BBS9: variants seen among roughly 807,000 people sequenced by gnomAD.
BBS9 encodes protein PTHB1.
BBS9 carries 89 observed loss-of-function variants against 117.7 expected under a neutral mutation model. The observed-to-expected ratio is 0.76, with a 90% CI of 0.64 to 0.90. The LOEUF is 0.90. Among genes scored for constraint, BBS9 ranks in the 40% least tolerant of loss-of-function variants. The pLI is 0.00. For missense variants in BBS9, 982 were observed against 1,042.2 expected, an observed-to-expected ratio of 0.94 and a Z score of 0.80; for synonymous variants, 379 against 370.9, an observed-to-expected ratio of 1.02 and a Z score of -0.25.
chr7:33,578,583 GA>G (rs1208376432), intron 21 of BBS9, among the ~76,000 whole-genome samples: 1 of 152,160 alleles, frequency 6.6e-6, no homozygotes, highest in African/African-American at 2.4e-5. Flanking sequence ...GGCAAGTTCT[GA>G]AAGATAAACC....
chr7:33,551,719 C>T (rs1854448885), intron 21 of BBS9, among the ~76,000 whole-genome samples: 1 of 152,110 alleles, frequency 6.6e-6, no homozygotes, highest in African/African-American at 2.4e-5. Context: ...TACAGGGAAA[C>T]AAATTTCAGA....
At chr7:33,397,817 T>C (rs1368662190) in intron 19 of BBS9, among the ~76,000 whole-genome samples, 2 of 151,906 alleles carry the variant, frequency 1.3e-5, no homozygotes, top group African/African-American at 4.8e-5. Flanking sequence ...CTGGGGCCTG[T>C]GGGAGTGGGG....
intron 21 of BBS9, among the ~76,000 whole-genome samples, chr7:33,634,481 A>G (rs1866049071): frequency 6.6e-6 from 1 of 152,178 alleles, no homozygotes; most frequent in Non-Finnish European, 1.5e-5. Flanking sequence ...TGATAAGTGT[A>G]AAATACTTTG....
At chr7:33,165,018 G>T (rs1267560273) in intron 4 of BBS9, among the ~76,000 whole-genome samples, 4 of 152,108 alleles carry the variant, frequency 2.6e-5, no homozygotes, top group African/African-American at 9.7e-5. Flanking sequence ...TTGTAAGGCA[G>T]GTCTGGTGGT....
chr7:33,420,749 T>C (rs1244645429), intron 19 of BBS9, among the ~76,000 whole-genome samples: 2 of 152,136 alleles, frequency 1.3e-5, no homozygotes, highest in African/African-American at 4.8e-5. Context: ...AAGCGGTCAT[T>C]CCAGACTTTT....
intron 5 of BBS9, among the ~76,000 whole-genome samples, chr7:33,193,551 A>G (rs1554337231): frequency 6.6e-6 from 1 of 150,764 alleles, no homozygotes; most frequent in Non-Finnish European, 1.5e-5. Context: ...GTGCTGGTGA[A>G]TTTTTCTTGC....
At position 33,565,311 on chromosome 7, in the gene BBS9, G is replaced by C. The variant is rs80083076; in HGVS notation, c.2521+31135G>C. 2.0e-5 allele frequency among the ~76,000 whole-genome samples: 3 copies of C among 152,044 alleles called. No homozygotes were observed. In the East Asian group the frequency reaches 5.8e-4, roughly 29 times the overall value. On this transcript the variant is annotated intron_variant, in intron 21 of 22. Coordinates refer to ENST00000242067, the MANE Select transcript of BBS9 (RefSeq NM_198428.3). ...TCACTTCTGAGCCATTCCTATGTTT[G>C]CTTACTTGGTATGAGGAAGCCTGAT...
intron 4 of BBS9, among the ~76,000 whole-genome samples, chr7:33,175,312 A>AT (rs954193397): frequency 6.6e-6 from 1 of 151,736 alleles, no homozygotes; most frequent in Non-Finnish European, 1.5e-5. Flanking sequence ...AAAAATAAAA[A>AT]TAAAAAAAAA....
intron 21 of BBS9, among the ~76,000 whole-genome samples, chr7:33,591,940 T>G (rs1341595651): frequency 6.6e-6 from 1 of 152,050 alleles, no homozygotes; most frequent in Non-Finnish European, 1.5e-5. Flanking sequence ...GAGGAGTGGT[T>G]ATCTATGATA....
chr7:33,504,268 TGGC>T (rs1845843358), intron 19 of BBS9, among the ~76,000 whole-genome samples: 1 of 152,180 alleles, frequency 6.6e-6, no homozygotes, highest in Non-Finnish European at 1.5e-5. Context: ...CTCAGCGAAG[TGGC>T]AAAGAATCTT....
chr7:33,346,024 G>A (rs1817524512), intron 12 of BBS9, among the ~76,000 whole-genome samples: 1 of 152,074 alleles, frequency 6.6e-6, no homozygotes, highest in South Asian at 2.1e-4. Flanking sequence ...TCTGTTCGTG[G>A]AACTTACTAT....
chr7:33,487,609 T>C (rs1563244913), intron 19 of BBS9, among the ~76,000 whole-genome samples: 1 of 152,224 alleles, frequency 6.6e-6, no homozygotes, highest in African/African-American at 2.4e-5. Context: ...CTTTGCATGA[T>C]ATCAAGCAAG....
chr7:33,262,779 A>C (rs1353664441), intron 6 of BBS9, among the ~76,000 whole-genome samples: 1 of 152,142 alleles, frequency 6.6e-6, no homozygotes, highest in Non-Finnish European at 1.5e-5. Context: ...TTGATTTGCC[A>C]TAATGCCTTC....
intron 20 of BBS9, among the ~76,000 whole-genome samples, chr7:33,520,126 A>G (rs1848393865): frequency 6.6e-6 from 1 of 151,334 alleles, no homozygotes; most frequent in African/African-American, 2.4e-5. Context: ...CTCCTGCCTC[A>G]GCCTCTTGAG....
At chr7:33,262,668 A>T (rs923206605) in intron 6 of BBS9, among the ~76,000 whole-genome samples, 2 of 152,096 alleles carry the variant, frequency 1.3e-5, no homozygotes, top group African/African-American at 4.8e-5. Context: ...CTCTTACTTC[A>T]TGCGCCCCAT....
rs764861884 is a variant in BBS9 at position 33,303,524 on chromosome 7, C to CCCG, written c.1016+29570_1016+29571insGCC. The stretch of plus-strand genomic sequence containing the variant: ...TAGTATCAACTGAAATGATCCCCTC[C>CCCG]CCCCGCCCCTTCTTTCTTTGGTCTC... On this transcript the variant is annotated intron_variant, in intron 9 of 22. Coordinates refer to ENST00000242067, the MANE Select transcript of BBS9 (RefSeq NM_198428.3). Among the ~76,000 whole-genome samples the CCCG allele has an allele frequency of 7.1e-3, 684 of 96,608 alleles. 34 individuals carry two copies. The highest frequency in any genetic ancestry group is 0.027 in the African/African-American group (647 of 24,388). 63.4% of individuals were successfully genotyped at this position (96,608 alleles called of 152,430 possible).
chr7:33,591,672 T>G lies in BBS9; in HGVS notation c.2522-13193T>G, dbSNP rs537966204. On this transcript the variant is annotated intron_variant, in intron 21 of 22. Transcript: ENST00000242067. Reference sequence around the variant, plus strand: ...TTTAGTAACACTAGATCAGCAGACTTCCTCTTTCAAGGTTCAGCTGCTGGC... The same window carrying G: ...TTTAGTAACACTAGATCAGCAGACTGCCTCTTTCAAGGTTCAGCTGCTGGC... Among the ~76,000 whole-genome samples, 19 of 152,218 alleles carry G rather than the reference T, an allele frequency of 1.2e-4. No individual in the cohort carries two copies. In the South Asian group the frequency reaches 3.5e-3, roughly 28 times the overall value.
intron 1 of BBS9, among the ~76,000 whole-genome samples, chr7:33,138,721 A>G (rs112807608): frequency 2.9e-4 from 43 of 150,398 alleles, no homozygotes; most frequent in African/African-American, 9.0e-4. Context: ...TGTAGCCTCA[A>G]CTCCTGGGCT....
chr7:33,355,289 G>A (rs954754631), intron 15 of BBS9, among the ~76,000 whole-genome samples: 1 of 151,958 alleles, frequency 6.6e-6, no homozygotes, highest in African/African-American at 2.4e-5. Context: ...TTACACTTCA[G>A]GTTTCCTAAG....
Sources: gnomAD v4.1 joint callset for allele counts (sites outside exome capture counted in the v4.1 genomes callset) on GRCh38, gnomAD v4.1.1 for gene constraint, MANE v1.5 for transcripts, NCBI Gene and HGNC (gene_info 2026-07-23, HGNC 2026-07-21) for gene names.